Variants in ADD2 observed in about 807,000 individuals in gnomAD.
ADD2 encodes the protein adducin 2.
A neutral mutation model predicts 83.0 loss-of-function variants in ADD2; 23 were observed. That is an observed-to-expected ratio of 0.28 (90% CI 0.20 to 0.39). The LOEUF is 0.39. Among genes scored for constraint, ADD2 ranks in the 10% least tolerant of loss-of-function variants. The pLI is 1.00. For synonymous variants in ADD2, 375 were observed against 375.4 expected, an observed-to-expected ratio of 1.00 and a Z score of 0.01; for missense variants, 758 against 944.9, an observed-to-expected ratio of 0.80 and a Z score of 2.59.
chr2:70,696,682 A>C (rs1671329809), intron 4 of ADD2, among the ~76,000 whole-genome samples: 1 of 152,230 alleles, frequency 6.6e-6, no homozygotes, highest in Non-Finnish European at 1.5e-5. Flanking sequence ...GGGAATGCCA[A>C]GCTTACCATA....
rs559897303 is a variant in ADD2, at chr2:70,694,294, G to A, written c.555+1427C>T. 1.3e-4 allele frequency among the ~76,000 whole-genome samples: 20 copies of A among 152,266 alleles called. 1 individual carries two copies. Among genetic ancestry groups the A allele is most frequent in the Admixed American group, 9.8e-4 (15 of 15,290 alleles). On this transcript the variant is annotated intron_variant, in intron 6 of 15. Transcript: ENST00000264436. ...GCAGGCCTACTAAGCATAGAGGCCC[G>A]GAATTTCCTTCCCAGCTTGCTGTAA...
chr2:70,697,138 C>G (rs1671351718), intron 4 of ADD2, among the ~76,000 whole-genome samples: 5 of 152,200 alleles, frequency 3.3e-5, no homozygotes, highest in South Asian at 2.1e-4. Flanking sequence ...CAGAGCGAGA[C>G]TCCGTCCCCC....
chr2:70,690,974 C>A, intron 7 of ADD2, 45 bp from the exon 8 acceptor site: 1 of 1,582,702 alleles, frequency 6.3e-7, no homozygotes. Flanking sequence ...CCCTCCCTGC[C>A]CTTTCCTCAG....
chr2:70,697,863 T>C (rs929910714), intron 4 of ADD2, among the ~76,000 whole-genome samples: 2 of 152,306 alleles, frequency 1.3e-5, no homozygotes, highest in Non-Finnish European at 2.9e-5. Context: ...GAATCACCCA[T>C]GTCAGGAAAC....
intron 14 of ADD2, among the ~76,000 whole-genome samples, chr2:70,673,531 A>T (rs1669995576): frequency 6.6e-6 from 1 of 152,224 alleles, no homozygotes; most frequent in Admixed American, 6.5e-5. Flanking sequence ...AAAAAGTGCC[A>T]TGTTCCTCTA....
intron 1 of ADD2, among the ~76,000 whole-genome samples, chr2:70,734,925 T>G (rs920190861): frequency 4.6e-5 from 7 of 152,168 alleles, no homozygotes; most frequent in African/African-American, 9.7e-5. Context: ...CTGGAAGAAC[T>G]TGTGTGTACT....
intron 15 of ADD2, among the ~76,000 whole-genome samples, chr2:70,669,438 G>A (rs980860083): frequency 2.0e-5 from 3 of 152,170 alleles, no homozygotes; most frequent in African/African-American, 7.2e-5. Context: ...TTTATCCGAC[G>A]TTTACTTACC....
intron 14 of ADD2, chr2:70,673,269 ACG>A: frequency 6.2e-7 from 1 of 1,614,104 alleles, no homozygotes; most frequent in Non-Finnish European, 8.5e-7. Context: ...GTGGAGGGCA[ACG>A]CTGAAGAACT....
chr2:70,674,586 G>C (rs1670041336), intron 14 of ADD2, 92 bp downstream of exon 14: 3 of 1,323,558 alleles, frequency 2.3e-6, no homozygotes, highest in African/African-American at 3.0e-5. Context: ...ATTCTTTGAT[G>C]ATGGGGCAGG....
intron 4 of ADD2, among the ~76,000 whole-genome samples, chr2:70,702,656 C>T (rs1358351881): frequency 6.2e-5 from 8 of 129,604 alleles, no homozygotes; most frequent in Non-Finnish European, 4.9e-5. Flanking sequence ...TTCTACAAGA[C>T]AAAAAAAATG....
At chr2:70,684,220 C>T (rs189698019) in intron 9 of ADD2, among the ~76,000 whole-genome samples, 223 of 152,192 alleles carry the variant, frequency 1.5e-3, no homozygotes, top group African/African-American at 3.5e-3. Context: ...TTAGTCTCTG[C>T]ACTTTTCTGT....
intron 1 of ADD2, among the ~76,000 whole-genome samples, chr2:70,765,424 G>A (rs1376966752): frequency 5.3e-5 from 8 of 152,286 alleles, no homozygotes; most frequent in African/African-American, 1.9e-4. Context: ...AATGTTTTGT[G>A]TTTTGTGTTT....
chr2:70,687,137 C>T (rs1389084501), intron 9 of ADD2: 1 of 152,304 alleles, frequency 6.6e-6, no homozygotes, highest in Non-Finnish European at 1.5e-5. Flanking sequence ...CCCGCTGGGC[C>T]CCACGTCTAC....
intron 15 of ADD2, among the ~76,000 whole-genome samples, chr2:70,666,587 C>A (rs1675810239): frequency 6.6e-6 from 1 of 152,220 alleles, no homozygotes; most frequent in Non-Finnish European, 1.5e-5. Context: ...TCCGTGAAGA[C>A]AACTATGGAT....
intron 4 of ADD2, among the ~76,000 whole-genome samples, chr2:70,702,785 C>T (rs1254538574): frequency 6.6e-6 from 1 of 150,948 alleles, no homozygotes; most frequent in Non-Finnish European, 1.5e-5. Context: ...GAAAATAATA[C>T]ACTAATAGGA....
At chr2:70,705,392 A>C (rs1553374227) in intron 3 of ADD2, among the ~76,000 whole-genome samples, 2 of 146,992 alleles carry the variant, frequency 1.4e-5, no homozygotes. Flanking sequence ...TGGAGCCCAG[A>C]AGGCCAAGGC....
chr2:70,679,998 T>A (rs1317767987), intron 10 of ADD2, among the ~76,000 whole-genome samples: 1 of 152,198 alleles, frequency 6.6e-6, no homozygotes, highest in Non-Finnish European at 1.5e-5. Flanking sequence ...TTTCCCTCCA[T>A]ACTTTGTCTT....
At chr2:70,691,241 A>T (rs1485365775) in intron 7 of ADD2, among the ~76,000 whole-genome samples, 7 of 152,130 alleles carry the variant, frequency 4.6e-5, no homozygotes, top group Non-Finnish European at 1.0e-4. Flanking sequence ...CCCACCTCAC[A>T]CACAGCTTTG....
chr2:70,764,724 C>T (rs1398260471), intron 1 of ADD2, among the ~76,000 whole-genome samples: 1 of 151,604 alleles, frequency 6.6e-6, no homozygotes, highest in Non-Finnish European at 1.5e-5. Flanking sequence ...GTCCCGGCTA[C>T]AGGGAACTAT....
Sources: gnomAD v4.1 joint callset for allele counts (sites outside exome capture counted in the v4.1 genomes callset) on GRCh38, gnomAD v4.1.1 for gene constraint, MANE v1.5 for transcripts, NCBI Gene and HGNC (gene_info 2026-07-23, HGNC 2026-07-21) for gene names.